MIF4GD: variants seen among roughly 807,000 people sequenced by gnomAD.
The protein encoded by MIF4GD is MIF4G domain-containing protein.
In MIF4GD, 22 loss-of-function variants were observed where a neutral mutation model predicts 26.7. The observed-to-expected ratio is 0.82, with a 90% confidence interval of 0.59 to 1.18. The LOEUF (loss-of-function observed/expected upper bound fraction) is 1.18. MIF4GD is among the 50% of genes most tolerant of loss of function. The pLI, the probability that MIF4GD is intolerant of heterozygous loss-of-function variation, is 0.00. For missense variants in MIF4GD, 262 were observed against 279.6 expected, an observed-to-expected ratio of 0.94 and a Z score of 0.45; for synonymous variants, 137 against 111.6, an observed-to-expected ratio of 1.23 and a Z score of -1.43.
chr17:75,266,450 G>A lies in MIF4GD; in HGVS notation c.*290C>T. 1 of 488,828 alleles carries A rather than the reference G, an allele frequency of 2.0e-6. No individual in the cohort carries two copies. The highest frequency in any genetic ancestry group is 3.8e-6 in the Non-Finnish European group (1 of 266,540). 30.3% of individuals were successfully genotyped at this position (488,828 alleles called of 1,614,324 possible). A position where few individuals can be genotyped will look rare whatever the true frequency, so the allele number is the denominator to read the frequency against. On this transcript the variant is annotated 3_prime_UTR_variant, in exon 6 of 6. Coordinates refer to ENST00000325102, the MANE Select transcript of MIF4GD (RefSeq NM_001370592.1). ...GCTATGCTTACCCATTTTACAGATG[G>A]GTAAACTGAGGCACCAAGGTAGTAG...
intron 5 of MIF4GD, 136 bp from the exon 6 acceptor site, chr17:75,267,103 T>C (rs2077515151): frequency 1.4e-6 from 1 of 721,702 alleles, no homozygotes; most frequent in African/African-American, 1.7e-5. Flanking sequence ...CAGTGGGTAC[T>C]TCCACATCTT....
chr17:75,267,496 C>G, intron 5 of MIF4GD, 42 bp downstream of exon 5: 1 of 1,596,682 alleles, frequency 6.3e-7, no homozygotes, highest in Non-Finnish European at 8.6e-7. Context: ...GACTGTCCAT[C>G]CTGCAGCCTT....
rs751188898 is a variant in MIF4GD, at chr17:75,269,984, G to A, written c.82+130C>T. 1.4e-3 allele frequency: 1,023 copies of A among 745,120 alleles called. 1 individual carries two copies. The highest frequency in any genetic ancestry group is 1.8e-3 in the Non-Finnish European group (784 of 433,458). 46.2% of individuals were successfully genotyped at this position (745,120 alleles called of 1,614,324 possible). A position where few individuals can be genotyped will look rare whatever the true frequency, so the allele number is the denominator to read the frequency against. ...GCTTGTCTTCCAGTTCAAGAATTAC[G>A]TTGCCGACTCCTATCGTCAGAGAAT... On this transcript the variant is annotated intron_variant, in intron 2 of 5. Coordinates refer to ENST00000325102, the MANE Select transcript of MIF4GD (RefSeq NM_001370592.1).
In MIF4GD at chr17:75,266,244, G is replaced by C. The variant is rs942665991; in HGVS notation, c.*496C>G. On this transcript the variant is annotated 3_prime_UTR_variant, in exon 6 of 6. Transcript: ENST00000325102. The stretch of plus-strand genomic sequence containing the variant: ...AGGAAGCAGTTTTAGTATCAGAAAA[G>C]ATTTATTAGAAAATTCTCACGCTGA... 2.5e-6 allele frequency: 1 copy of C among 405,492 alleles called. No individual in the cohort carries two copies. Among genetic ancestry groups the C allele is most frequent in the African/African-American group, 2.0e-5 (1 of 49,440 alleles). 25.1% of individuals were successfully genotyped at this position (405,492 alleles called of 1,614,324 possible). A position where few individuals can be genotyped will look rare whatever the true frequency, so the allele number is the denominator to read the frequency against.
rs1416655832 is a variant in MIF4GD, at chr17:75,268,092, G to A, written c.183C>T (p.Ala61=). ...TCTCCCAACCCCCAACCTGAATGAT[G>A]GCGTAGCACATGCGTCCTGCTTCCT... ...FSKEAGRMCY[A]IIQAESKQAG... Residue 61 remains alanine, a synonymous_variant, in exon 3 of 6, where the codon GCC becomes GCT. Coordinates refer to ENST00000325102, the MANE Select transcript of MIF4GD (RefSeq NM_001370592.1). 1.2e-6 allele frequency: 2 copies of A among 1,613,966 alleles called. No homozygotes were observed. Among genetic ancestry groups the A allele is most frequent in the Non-Finnish European group, 1.7e-6 (2 of 1,179,926 alleles).
chr17:75,270,064 G>C lies in MIF4GD; in HGVS notation c.82+50C>G, dbSNP rs944927043. On this transcript the variant is annotated intron_variant, in intron 2 of 5. Transcript: ENST00000325102. This position sits in a 1 kb window ranked among gnomAD's most constrained non-coding sequence, Gnocchi z 5.7. Reference sequence around the variant, plus strand: ...TCAGCCTCTGGTGCTGCCCACAGGGGCCCTTCTCTGTAGCTCCTGACCCCA... The same window carrying C: ...TCAGCCTCTGGTGCTGCCCACAGGGCCCCTTCTCTGTAGCTCCTGACCCCA... 1 of 1,528,348 alleles carries C rather than the reference G, an allele frequency of 6.5e-7. No individual in the cohort carries two copies. The highest frequency in any genetic ancestry group is 9.1e-7 in the Non-Finnish European group (1 of 1,103,226). 94.7% of individuals were successfully genotyped at this position (1,528,348 alleles called of 1,614,324 possible).
chr17:75,267,968 CCT>C lies in MIF4GD; in HGVS notation c.193-69_193-68del, dbSNP rs982131174. 8.3e-5 allele frequency: 133 copies of C among 1,593,574 alleles called. No individual in the cohort carries two copies. In the Middle Eastern group the frequency reaches 1.0e-3, roughly 12 times the overall value. ...CCCCTGTAACCCCACCCATCCTATGCCTCTCTCTCTCTTTGAGCTAGACCCTG... is the reference window on the plus strand; with the variant it reads ...CCCCTGTAACCCCACCCATCCTATGCCTCTCTCTCTTTGAGCTAGACCCTG... On this transcript the variant is annotated intron_variant, in intron 3 of 5. Coordinates refer to ENST00000325102, the MANE Select transcript of MIF4GD (RefSeq NM_001370592.1).
chr17:75,268,187 C>T lies in MIF4GD; in HGVS notation c.88G>A (p.Gly30Ser). The T allele has an allele frequency of 6.2e-7, 1 of 1,613,798 alleles. No individual in the cohort carries two copies. The highest frequency in any genetic ancestry group is 8.5e-7 in the Non-Finnish European group (1 of 1,179,658). The stretch of plus-strand genomic sequence containing the variant: ...GCCACTTTCTCCAAGTCCACAGCAC[C>T]CGGATCTAGGGGTAGAGATAGGAGG... ...QLLKTALKDPGAVDLEKVANV... is the reference protein window; with the variant it reads ...QLLKTALKDPSAVDLEKVANV... The change falls in exon 3 of 6, where the codon GGT becomes AGT. Residue 30 changes from glycine to serine, a missense_variant. Physicochemically the swap from Gly to Ser is moderately conservative, Grantham distance 56 (BLOSUM62 0). Coordinates refer to ENST00000325102, the MANE Select transcript of MIF4GD (RefSeq NM_001370592.1).
intron 5 of MIF4GD, 70 bp downstream of exon 5, chr17:75,267,468 T>A: frequency 6.7e-7 from 1 of 1,482,220 alleles, no homozygotes; most frequent in Non-Finnish European, 9.4e-7. Context: ...AGCAGTGGGC[T>A]GACACACGGC....
In MIF4GD at chr17:75,268,434, T is replaced by G. The variant is rs1003250830; in HGVS notation, c.83-242A>C. On this transcript the variant is annotated intron_variant, in intron 2 of 5. Coordinates refer to ENST00000325102, the MANE Select transcript of MIF4GD (RefSeq NM_001370592.1). Reference sequence around the variant, plus strand: ...ATCCCAACGCTTTGGGAGACCGAGGTGGTTGGATCACCTGGGGTCAGGAGT... The same window carrying G: ...ATCCCAACGCTTTGGGAGACCGAGGGGGTTGGATCACCTGGGGTCAGGAGT... Among the ~76,000 whole-genome samples the G allele has an allele frequency of 4.6e-5, 7 of 151,126 alleles. No homozygotes were observed. The East Asian group carries it at 9.8e-4, about 21-fold the overall frequency.
At chr17:75,268,671 C>CAAAAAAAAAAAAAAAAAAA (rs1192409186) in intron 2 of MIF4GD, among the ~76,000 whole-genome samples, 1 of 47,844 alleles carries the variant, frequency 2.1e-5, no homozygotes, top group South Asian at 6.6e-4. Context: ...GACTCCGTCT[C>CAAAAAAAAAAAAAAAAAAA]AAAAAAAAAA....
At chr17:75,269,396 A>G (rs767347245) in intron 2 of MIF4GD, 4 of 1,614,034 alleles carry the variant, frequency 2.5e-6, no homozygotes, top group African/African-American at 2.7e-5. Flanking sequence ...AGCAATTACT[A>G]TAGCTCCTCT....
intron 3 of MIF4GD, 86 bp from the exon 4 acceptor site, chr17:75,267,987 T>C (rs2145668925): frequency 6.2e-7 from 1 of 1,602,982 alleles, no homozygotes; most frequent in South Asian, 1.1e-5. Flanking sequence ...CTCTTTGAGC[T>C]AGACCCTGTG....
intron 2 of MIF4GD, chr17:75,269,548 C>CTTTTTTTTTTTTTTT (rs547476219): frequency 4.2e-6 from 2 of 481,722 alleles, no homozygotes; most frequent in African/African-American, 3.5e-5. Flanking sequence ...TATGGTTAAA[C>CTTTTTTTTTTTTTTT]TTTTTTTTTT....
In MIF4GD at chr17:75,270,083, G is replaced by A. The variant is rs1376572575; in HGVS notation, c.82+31C>T. 6.2e-7 allele frequency: 1 copy of A among 1,604,592 alleles called. No individual in the cohort carries two copies. Among genetic ancestry groups the A allele is most frequent in the Non-Finnish European group, 8.5e-7 (1 of 1,171,886 alleles). On this transcript the variant is annotated intron_variant, in intron 2 of 5. Transcript: ENST00000325102. The surrounding 1 kb of genome is among the most constrained non-coding windows in gnomAD (Gnocchi z 5.7). ...ACAGGGGCCCTTCTCTGTAGCTCCTGACCCCAGCTCAGGAGGGGTCCCGTG... is the reference window on the plus strand; with the variant it reads ...ACAGGGGCCCTTCTCTGTAGCTCCTAACCCCAGCTCAGGAGGGGTCCCGTG...
intron 2 of MIF4GD, among the ~76,000 whole-genome samples, chr17:75,269,871 G>A (rs1022961850): frequency 3.3e-5 from 5 of 151,422 alleles, no homozygotes; most frequent in Non-Finnish European, 4.4e-5. Flanking sequence ...GAGCCACTGC[G>A]CCTAGCCCTA....
In MIF4GD at chr17:75,270,775, G is replaced by T. The variant is rs948830903; in HGVS notation, c.-51+369C>A. Among the ~76,000 whole-genome samples the T allele has an allele frequency of 6.6e-6, 1 of 152,184 alleles. No individual in the cohort carries two copies. The highest frequency in any genetic ancestry group is 1.5e-5 in the Non-Finnish European group (1 of 68,014). On this transcript the variant is annotated intron_variant, in intron 1 of 5. Transcript: ENST00000325102. This position sits in a 1 kb window ranked among gnomAD's most constrained non-coding sequence, Gnocchi z 5.7. ...GGGGCCGGCCTGCGTGGGTGGGGAC[G>T]CAGGCGCCCTGTCCGCCGCCCCTGC...
chr17:75,269,547 A>AATTTT, intron 2 of MIF4GD: 5 of 766,074 alleles, frequency 6.5e-6, no homozygotes, highest in Non-Finnish European at 8.9e-6. Context: ...TTATGGTTAA[A>AATTTT]CTTTTTTTTT....
At chr17:75,268,923 G>C (rs2077608083) in intron 2 of MIF4GD, among the ~76,000 whole-genome samples, 1 of 151,904 alleles carries the variant, frequency 6.6e-6, no homozygotes, top group Admixed American at 6.6e-5. Flanking sequence ...AAAATTGCTT[G>C]AACCTGGGAG....
Sources: gnomAD v4.1 joint callset for allele counts (sites outside exome capture counted in the v4.1 genomes callset) on GRCh38, gnomAD v4.1.1 for gene constraint, Gnocchi (gnomAD v3.1) non-coding constraint, MANE v1.5 for transcripts, NCBI Gene and HGNC (gene_info 2026-07-23, HGNC 2026-07-21) for gene names.